The following WDPCP variants were observed in gnomAD, a reference collection of about 807,000 sequenced individuals.
WDPCP encodes WD repeat containing planar cell polarity effector.
A neutral mutation model predicts 93.1 loss-of-function variants in WDPCP; 71 were observed. The ratio of observed to expected loss-of-function variants is 0.76; its 90% CI spans 0.63 to 0.93. The LOEUF (loss-of-function observed/expected upper bound fraction) is 0.93. Among genes scored for constraint, WDPCP ranks in the 40% least tolerant of loss-of-function variants. The pLI is 0.00. For synonymous variants in WDPCP, 315 were observed against 315.0 expected (o/e 1.00, Z 0.00); for missense variants, 844 against 887.4 (o/e 0.95, Z 0.62).
At chr2:63,237,944 A>G (rs1461277497) in intron 14 of WDPCP, among the ~76,000 whole-genome samples, 1 of 152,042 alleles carries the variant, frequency 6.6e-6, no homozygotes, top group Non-Finnish European at 1.5e-5. Flanking sequence ...ATACCCTTGT[A>G]ACAAACCTGT....
intron 2 of WDPCP, among the ~76,000 whole-genome samples, chr2:63,767,362 T>C (rs1670156349): frequency 6.6e-6 from 1 of 152,158 alleles, no homozygotes; most frequent in Non-Finnish European, 1.5e-5. Flanking sequence ...GGCAAATACC[T>C]AGGAGTTGAA....
Position 63,174,661 on chromosome 2 carries a change from ATTTC to A in WDPCP, c.2078+5_2078+8del. 6.2e-7 allele frequency: 1 copy of A among 1,613,802 alleles called. No individual in the cohort carries two copies. The highest frequency in any genetic ancestry group is 8.5e-7 in the Non-Finnish European group (1 of 1,179,808). ...TATGGAGCAATTTCCTCAGTTCAAC[ATTTC>A]TTACCTGTTAGAAGAGCCATTCAGT... On this transcript the variant is annotated splice_donor_5th_base_variant and intron_variant, in intron 15 of 17. Transcript: ENST00000272321.
intron 17 of WDPCP, among the ~76,000 whole-genome samples, chr2:63,144,224 A>G (rs997265351): frequency 1.1e-4 from 16 of 151,716 alleles, no homozygotes; most frequent in African/African-American, 3.9e-4. Flanking sequence ...CTCCTTGTTC[A>G]ATTCTATTGG....
At chr2:63,327,568 G>A (rs1687652384) in intron 12 of WDPCP, among the ~76,000 whole-genome samples, 1 of 152,170 alleles carries the variant, frequency 6.6e-6, no homozygotes, top group African/African-American at 2.4e-5. Flanking sequence ...GAGAAAGGAG[G>A]ACTTTGCACA....
chr2:63,577,640 A>G (rs1237951667), intron 1 of WDPCP, among the ~76,000 whole-genome samples: 2 of 152,178 alleles, frequency 1.3e-5, no homozygotes, highest in Non-Finnish European at 2.9e-5. Flanking sequence ...ATAATCAAAT[A>G]ATTTTATGTC....
rs181512925 is a variant in WDPCP, at chr2:63,641,533, T to C, written n.488+9126A>G. ...ACTGTAGTTTTGTTTTGCATTTTGCTGATGATCAGTGATATTGGGCACTTT... is the reference window on the plus strand; with the variant it reads ...ACTGTAGTTTTGTTTTGCATTTTGCCGATGATCAGTGATATTGGGCACTTT... On this transcript the variant is annotated intron_variant and non_coding_transcript_variant, in intron 3 of 4. Transcript: ENST00000467687. Among the ~76,000 whole-genome samples, 51 of 152,338 alleles carry C rather than the reference T, an allele frequency of 3.3e-4. No homozygotes were observed. The East Asian group carries it at 9.6e-3, about 29-fold the overall frequency.
At chr2:63,331,077 T>G (rs1032189956) in intron 12 of WDPCP, among the ~76,000 whole-genome samples, 29 of 152,132 alleles carry the variant, frequency 1.9e-4, no homozygotes, top group African/African-American at 6.5e-4. Context: ...TTGTCCAAGC[T>G]GATCTTCAGC....
intron 15 of WDPCP, 100 bp from the exon 16 acceptor site, chr2:63,153,674 G>A (rs7595595): frequency 0.9 from 674,415 of 750,536 alleles, 303,482 homozygotes; most frequent in South Asian, 0.92. Flanking sequence ...ATATTTTAAA[G>A]TTTCTGGGTT....
At chr2:63,704,667 A>C (rs932027379) in intron 2 of WDPCP, among the ~76,000 whole-genome samples, 4 of 152,156 alleles carry the variant, frequency 2.6e-5, no homozygotes, top group Non-Finnish European at 5.9e-5. Context: ...CATGGTGGAT[A>C]AGCTTTTTGA....
intron 2 of WDPCP, among the ~76,000 whole-genome samples, chr2:63,491,925 C>T (rs1380775856): frequency 2.0e-5 from 3 of 152,166 alleles, no homozygotes; most frequent in African/African-American, 7.2e-5. Flanking sequence ...CAAAATTTGT[C>T]CAATTTCAGT....
At chr2:63,232,463 C>T (rs1678997305) in intron 14 of WDPCP, 1 of 152,222 alleles carries the variant, frequency 6.6e-6, no homozygotes, top group Non-Finnish European at 1.5e-5. Context: ...GTTGCTGATA[C>T]CTTGGCCAAC....
At chr2:63,314,501 TA>T (rs1425476316) in intron 12 of WDPCP, among the ~76,000 whole-genome samples, 1 of 152,118 alleles carries the variant, frequency 6.6e-6, no homozygotes, top group African/African-American at 2.4e-5. Context: ...GGTAAATTCT[TA>T]CCTTTTGTGC....
At chr2:63,769,005 C>G (rs1670186773) in intron 2 of WDPCP, among the ~76,000 whole-genome samples, 1 of 151,944 alleles carries the variant, frequency 6.6e-6, no homozygotes, top group South Asian at 2.1e-4. Flanking sequence ...GTTGCAGAGG[C>G]TTTTCAGTAT....
chr2:63,519,565 G>C (rs1345416045), intron 1 of WDPCP, among the ~76,000 whole-genome samples: 2 of 152,140 alleles, frequency 1.3e-5, no homozygotes, highest in Admixed American at 1.3e-4. Context: ...CTCAAGGGGT[G>C]AGAGAACAAA....
At chr2:63,533,276 C>T (rs147583747) in intron 1 of WDPCP, among the ~76,000 whole-genome samples, 2 of 152,280 alleles carry the variant, frequency 1.3e-5, no homozygotes, top group African/African-American at 4.8e-5. Context: ...TTGAACACCT[C>T]ACCATCAATA....
chr2:63,314,125 C>T (rs1025206169), intron 12 of WDPCP, among the ~76,000 whole-genome samples: 23 of 150,970 alleles, frequency 1.5e-4, no homozygotes, highest in Non-Finnish European at 1.2e-4. Flanking sequence ...GATCCGCCTG[C>T]CTCAGCCTCC....
At chr2:63,662,572 A>G (rs561703246) in intron 2 of WDPCP, among the ~76,000 whole-genome samples, 2 of 152,054 alleles carry the variant, frequency 1.3e-5, no homozygotes, top group South Asian at 2.1e-4. Flanking sequence ...AGCACAGGAG[A>G]GGAATACCAA....
intron 14 of WDPCP, among the ~76,000 whole-genome samples, chr2:63,231,066 A>G (rs1316472080): frequency 1.3e-5 from 2 of 152,226 alleles, no homozygotes; most frequent in African/African-American, 2.4e-5. Flanking sequence ...AGTGGGCTTC[A>G]TCCCTGGGAT....
chr2:63,242,055 G>A (rs907782654), intron 14 of WDPCP, among the ~76,000 whole-genome samples: 1 of 152,050 alleles, frequency 6.6e-6, no homozygotes, highest in African/African-American at 2.4e-5. Flanking sequence ...ATAGAAAAAA[G>A]GGAATTAAAT....
Sources: allele counts gnomAD v4.1 joint callset (sites outside exome capture counted in the v4.1 genomes callset), GRCh38; gene constraint gnomAD v4.1.1; transcripts MANE v1.5; gene names NCBI Gene and HGNC (gene_info 2026-07-23, HGNC 2026-07-21).